SLC7A5: variants seen among roughly 807,000 people sequenced by gnomAD.
The protein encoded by SLC7A5 is large neutral amino acids transporter small subunit 1.
SLC7A5 carries 23 observed loss-of-function variants against 50.2 expected under a neutral mutation model. That is an observed-to-expected ratio of 0.46 (90% CI 0.33 to 0.65). The LOEUF (loss-of-function observed/expected upper bound fraction) is 0.65. Ranked by LOEUF, SLC7A5 falls within the 30% of genes least tolerant of loss-of-function variation. The probability of loss-of-function intolerance (pLI) is 0.02; values close to 1 mark genes in which losing one functional copy is unlikely to be tolerated. For synonymous variants in SLC7A5, 393 were observed against 330.6 expected (o/e 1.19, Z -2.05); for missense variants, 578 against 684.4 (o/e 0.84, Z 1.73).
chr16:87,859,889 C>A (rs559179616), intron 1 of SLC7A5, among the ~76,000 whole-genome samples: 22 of 151,904 alleles, frequency 1.4e-4, no homozygotes, highest in African/African-American at 5.1e-4. Flanking sequence ...TGAGATCATG[C>A]CACTGCACTC....
intron 1 of SLC7A5, among the ~76,000 whole-genome samples, chr16:87,858,645 T>A (rs1251062972): frequency 6.6e-6 from 1 of 152,074 alleles, no homozygotes; most frequent in Non-Finnish European, 1.5e-5. Flanking sequence ...GACATCCAGG[T>A]CTCCTAAATC....
In SLC7A5 at chr16:87,847,608, G is replaced by C. The variant is rs79416606; in HGVS notation, c.664+4116C>G. On this transcript the variant is annotated intron_variant, in intron 2 of 9. Transcript: ENST00000261622. Reference sequence around the variant, plus strand: ...TCCCGTAACACATGACACCCCACGTGAACCTCCCAAGAGCAGATGGGCCCA... The same window carrying C: ...TCCCGTAACACATGACACCCCACGTCAACCTCCCAAGAGCAGATGGGCCCA... 7.9e-3 allele frequency among the ~76,000 whole-genome samples: 1,208 copies of C among 152,252 alleles called. 8 individuals carry two copies. The highest frequency in any genetic ancestry group is 0.028 in the African/African-American group (1,161 of 41,528).
At chr16:87,843,540 G>A (rs1290492291) in intron 2 of SLC7A5, among the ~76,000 whole-genome samples, 1 of 151,822 alleles carries the variant, frequency 6.6e-6, no homozygotes, top group Non-Finnish European at 1.5e-5. Flanking sequence ...GACACAGGGA[G>A]GTCACCACAC....
At chr16:87,835,084 C>T (rs75494767) in intron 8 of SLC7A5, among the ~76,000 whole-genome samples, 3,196 of 152,366 alleles carry the variant, frequency 0.021, 136 homozygotes, top group African/African-American at 0.073. Context: ...GCACAGAAGC[C>T]AGGCAGGGCT....
At position 87,855,012 on chromosome 16, in the gene SLC7A5, C is replaced by G. The variant is rs528650322; in HGVS notation, c.539-3163G>C. Reference sequence around the variant, plus strand: ...TGAAGGAAGGACAGCCCTGGCCATACCCAGAGCCAGCGCCAGGGCCTTGGC... The same window carrying G: ...TGAAGGAAGGACAGCCCTGGCCATAGCCAGAGCCAGCGCCAGGGCCTTGGC... On this transcript the variant is annotated intron_variant, in intron 1 of 9. Transcript: ENST00000261622. 3.3e-5 allele frequency among the ~76,000 whole-genome samples: 5 copies of G among 152,376 alleles called. No individual in the cohort carries two copies. In the East Asian group the frequency reaches 9.6e-4, roughly 29 times the overall value.
intron 4 of SLC7A5, 64 bp from the exon 5 acceptor site, chr16:87,839,889 C>T: frequency 6.2e-7 from 1 of 1,608,280 alleles, no homozygotes; most frequent in Non-Finnish European, 8.5e-7. Context: ...ACCCTGTGCC[C>T]AGGAGCCAGG....
chr16:87,846,733 G>A (rs2055159133), intron 2 of SLC7A5, among the ~76,000 whole-genome samples: 2 of 152,234 alleles, frequency 1.3e-5, no homozygotes, highest in South Asian at 2.1e-4. Context: ...GCAGGGCCCT[G>A]GCACCAGACC....
At chr16:87,838,403 G>C (rs3794673) in intron 6 of SLC7A5, among the ~76,000 whole-genome samples, 35,664 of 148,400 alleles carry the variant, frequency 0.24, 4,490 homozygotes, top group South Asian at 0.43. Flanking sequence ...GCAATCCTTC[G>C]ACCTCAGCCC....
chr16:87,851,948 G>A, intron 1 of SLC7A5, 99 bp from the exon 2 acceptor site: 2 of 1,462,788 alleles, frequency 1.4e-6, no homozygotes, highest in Non-Finnish European at 1.9e-6. Flanking sequence ...CCAGGGCCAG[G>A]TCCACCAGAA....
intron 1 of SLC7A5, among the ~76,000 whole-genome samples, chr16:87,858,374 T>A (rs909193387): frequency 2.0e-5 from 3 of 151,866 alleles, no homozygotes; most frequent in African/African-American, 7.3e-5. Context: ...TGATAAGGAG[T>A]TGCCACTGCT....
At chr16:87,855,292 C>G (rs2055301976) in intron 1 of SLC7A5, among the ~76,000 whole-genome samples, 2 of 152,132 alleles carry the variant, frequency 1.3e-5, no homozygotes, top group South Asian at 4.1e-4. Context: ...GCCTCCCCAT[C>G]TCTGGGGTGG....
chr16:87,836,819 G>C (rs1272108752), intron 7 of SLC7A5, 172 bp from the exon 8 acceptor site: 2 of 649,520 alleles, frequency 3.1e-6, no homozygotes, highest in South Asian at 3.2e-5. Context: ...AAGGAGGAAA[G>C]GAGGGAAGGA....
chr16:87,836,663 G>T lies in SLC7A5; in HGVS notation c.1141-16C>A, dbSNP rs374801096. ...TCATCACACACTGGAAGAGAGAGGC[G>T]GCTGGCTGAGCCCTGGGGCCCACGA... On this transcript the variant is annotated splice_polypyrimidine_tract_variant and intron_variant, in intron 7 of 9. Coordinates refer to ENST00000261622, the MANE Select transcript of SLC7A5 (RefSeq NM_003486.7). 2.5e-6 allele frequency: 4 copies of T among 1,610,120 alleles called. No individual in the cohort carries two copies. The South Asian group carries it at 4.4e-5, about 18-fold the overall frequency.
chr16:87,851,070 G>A (rs1053668946), intron 2 of SLC7A5, among the ~76,000 whole-genome samples: 1 of 152,120 alleles, frequency 6.6e-6, no homozygotes, highest in Non-Finnish European at 1.5e-5. Flanking sequence ...AGATCACACA[G>A]CACAAGACCA....
rs2054945317 is a variant in SLC7A5 at position 87,832,386 on chromosome 16, A to T, written c.*584T>A. 1 of 152,266 alleles carries T rather than the reference A, an allele frequency of 6.6e-6. No homozygotes were observed. Among genetic ancestry groups the T allele is most frequent in the Non-Finnish European group, 1.5e-5 (1 of 68,178 alleles). 9.4% of individuals were successfully genotyped at this position (152,266 alleles called of 1,614,324 possible). On this transcript the variant is annotated 3_prime_UTR_variant, in exon 10 of 10. Transcript: ENST00000261622. The surrounding 1 kb of genome is among the most constrained non-coding windows in gnomAD (Gnocchi z 4.6). ...GGGAGGAATCACCCACCTTGCCCAG[A>T]TCCCCCACCCCCTCCCAGTGCCACC...
intron 3 of SLC7A5, 50 bp downstream of exon 3, chr16:87,841,000 C>T (rs767461957): frequency 7.7e-7 from 1 of 1,305,686 alleles, no homozygotes; most frequent in South Asian, 1.2e-5. Flanking sequence ...CTGGACACGT[C>T]AGGGACTGTA....
In SLC7A5 at chr16:87,832,733, CA is replaced by C; in HGVS notation, c.*236del. The C allele has an allele frequency of 2.1e-6, 1 of 480,228 alleles. No individual in the cohort carries two copies. The highest frequency in any genetic ancestry group is 3.8e-6 in the Non-Finnish European group (1 of 262,302). 29.7% of individuals were successfully genotyped at this position (480,228 alleles called of 1,614,324 possible). A position where few individuals can be genotyped will look rare whatever the true frequency, so the allele number is the denominator to read the frequency against. On this transcript the variant is annotated 3_prime_UTR_variant, in exon 10 of 10. Transcript: ENST00000261622. This position sits in a 1 kb window ranked among gnomAD's most constrained non-coding sequence, Gnocchi z 4.6. ...GAAGGGAAAAAGGGCCCAAGGAGACCAAAAGCTGCTCCTGGGCAGGAGCACA... is the reference window on the plus strand; with the variant it reads ...GAAGGGAAAAAGGGCCCAAGGAGACCAAAGCTGCTCCTGGGCAGGAGCACA...
intron 8 of SLC7A5, 144 bp downstream of exon 8, chr16:87,836,354 C>G: frequency 1.1e-6 from 1 of 895,060 alleles, no homozygotes; most frequent in East Asian, 2.6e-5. Flanking sequence ...AAGTCATCAC[C>G]GGAATTAGTC....
rs1389673071 is a variant in SLC7A5, at chr16:87,852,636, CTCTG to C, written c.539-791_539-788del. 1.8e-4 allele frequency among the ~76,000 whole-genome samples: 18 copies of C among 97,436 alleles called. No individual in the cohort carries two copies. Among genetic ancestry groups the C allele is most frequent in the African/African-American group, 6.4e-4 (17 of 26,620 alleles). 63.9% of individuals were successfully genotyped at this position (97,436 alleles called of 152,430 possible). A position where few individuals can be genotyped will look rare whatever the true frequency, so the allele number is the denominator to read the frequency against. ...CCCTGTAAGGCACCCAGCTCTGAGC[CTCTG>C]TGTGTGTGTGTGTGTGTGTGTGTGT... is the stretch of plus-strand genomic sequence containing the variant. On this transcript the variant is annotated intron_variant, in intron 1 of 9. Transcript: ENST00000261622. This position sits in a 1 kb window ranked among gnomAD's most constrained non-coding sequence, Gnocchi z 4.5.
Sources: gnomAD v4.1 joint callset for allele counts (sites outside exome capture counted in the v4.1 genomes callset) on GRCh38, gnomAD v4.1.1 for gene constraint, Gnocchi (gnomAD v3.1) non-coding constraint, MANE v1.5 for transcripts, NCBI Gene and HGNC (gene_info 2026-07-23, HGNC 2026-07-21) for gene names.